Variants in NFATC1 observed in about 807,000 individuals in gnomAD.
NFATC1 encodes the protein nuclear factor of activated T cells 1, also known as nuclear factor of activated T-cells, cytoplasmic 1.
Under a neutral mutation model 76.0 loss-of-function variants are expected in NFATC1, and 22 were observed. The ratio of observed to expected loss-of-function variants is 0.29; its 90% CI spans 0.21 to 0.41. The LOEUF is 0.41. NFATC1 is among the 10% of genes least tolerant of loss of function. The pLI is 1.00. For synonymous variants in NFATC1, 704 were observed against 613.1 expected (o/e 1.15, Z -2.19); for missense variants, 1,357 against 1,337.7 (o/e 1.01, Z -0.23).
At chr18:79,420,631 G>C (rs1049937151) in intron 2 of NFATC1, among the ~76,000 whole-genome samples, 1 of 151,942 alleles carries the variant, frequency 6.6e-6, no homozygotes, top group Non-Finnish European at 1.5e-5. Context: ...GGAAGAGGTG[G>C]ATGCGTTTCC....
At position 79,500,212 on chromosome 18, in the gene NFATC1, T is replaced by A. The variant is rs118022989; in HGVS notation, c.2782+13275T>A. On this transcript the variant is annotated intron_variant, in intron 9 of 9. Coordinates refer to ENST00000427363, the MANE Select transcript of NFATC1 (RefSeq NM_001278669.2). Reference sequence around the variant, plus strand: ...TTAATAAATTTCAAAATATTCTGATTGCAATGGATATCAATTGAAAATCAA... The same window carrying A: ...TTAATAAATTTCAAAATATTCTGATAGCAATGGATATCAATTGAAAATCAA... 8.0e-3 allele frequency among the ~76,000 whole-genome samples: 1,221 copies of A among 152,290 alleles called. 11 individuals carry two copies. The highest frequency in any genetic ancestry group is 0.012 in the Non-Finnish European group (822 of 67,984).
intron 2 of NFATC1, among the ~76,000 whole-genome samples, chr18:79,424,489 ATC>A (rs35847918): frequency 0.42 from 64,223 of 151,458 alleles, 14,208 homozygotes; most frequent in African/African-American, 0.56. Context: ...TTGTCTCTCC[ATC>A]TCTGTCTCTC....
At chr18:79,491,771 C>A (rs899328296) in intron 9 of NFATC1, among the ~76,000 whole-genome samples, 5 of 152,170 alleles carry the variant, frequency 3.3e-5, no homozygotes, top group African/African-American at 9.6e-5. Flanking sequence ...CGCAGAGCTG[C>A]GTGCGGGGAG....
chr18:79,446,843 A>G (rs1568972314), intron 3 of NFATC1, among the ~76,000 whole-genome samples: 1 of 152,158 alleles, frequency 6.6e-6, no homozygotes, highest in Non-Finnish European at 1.5e-5. Context: ...CTGTGTCCTC[A>G]TCCCTGTCTG....
Position 79,396,209 on chromosome 18 carries a change from C to A in NFATC1, c.-16C>A. On this transcript the variant is annotated 5_prime_UTR_variant, in exon 1 of 10. Coordinates refer to ENST00000427363, the MANE Select transcript of NFATC1 (RefSeq NM_001278669.2). ...TGCCTCCGCCCGCCGCTCCACTCCC[C>A]GCCGCCGCCGCGCGGATGCCAAGCA... The A allele has an allele frequency of 6.9e-7, 1 of 1,450,054 alleles. No individual in the cohort carries two copies. Among genetic ancestry groups the A allele is most frequent in the South Asian group, 1.3e-5 (1 of 76,854 alleles). 89.8% of individuals were successfully genotyped at this position (1,450,054 alleles called of 1,614,324 possible).
intron 9 of NFATC1, among the ~76,000 whole-genome samples, chr18:79,507,782 G>C (rs895223670): frequency 6.6e-6 from 1 of 152,264 alleles, no homozygotes; most frequent in Non-Finnish European, 1.5e-5. Context: ...GTAAACGTTA[G>C]TGAGCGCATT....
intron 8 of NFATC1, among the ~76,000 whole-genome samples, chr18:79,481,529 A>G (rs1033902879): frequency 6.6e-6 from 1 of 152,184 alleles, no homozygotes; most frequent in Non-Finnish European, 1.5e-5. Context: ...CCATCTGTGA[A>G]CCCTCAGCTG....
intron 9 of NFATC1, among the ~76,000 whole-genome samples, chr18:79,502,755 A>G (rs2090041032): frequency 6.6e-6 from 1 of 152,244 alleles, no homozygotes; most frequent in Admixed American, 6.5e-5. Flanking sequence ...GGGAATGCAC[A>G]TTGTAAATTT....
intron 9 of NFATC1, among the ~76,000 whole-genome samples, chr18:79,498,627 A>G (rs9961134): frequency 0.096 from 14,630 of 152,268 alleles, 2,286 homozygotes; most frequent in African/African-American, 0.33. Flanking sequence ...AATGGCCCCA[A>G]ACTTCCTAAA....
chr18:79,450,890 G>C (rs2087442406), intron 4 of NFATC1, 64 bp from the exon 5 acceptor site: 1 of 1,559,160 alleles, frequency 6.4e-7, no homozygotes, highest in African/African-American at 1.4e-5. Context: ...GGTCTGGGGG[G>C]CCAGGCCTTT....
Position 79,411,353 on chromosome 18 carries a change from C to G in NFATC1, c.1078C>G (p.Pro360Ala), listed in dbSNP as rs753637451. ...GCCCGTCGGGGAGGACCTGGGCAGC[C>G]CCCCGCCCCCGGCCGACTTCGCGCC... ...VEPVGEDLGS[P>A]PPPADFAPED... The change falls in exon 2 of 10, where the codon CCC becomes GCC. Residue 360 changes from proline to alanine, a missense_variant. Transcript: ENST00000427363. The G allele has an allele frequency of 1.8e-5, 28 of 1,590,946 alleles. No homozygotes were observed. In the South Asian group the frequency reaches 2.9e-4, roughly 17 times the overall value.
At chr18:79,473,338 C>G (rs947155655) in intron 8 of NFATC1, among the ~76,000 whole-genome samples, 2 of 152,282 alleles carry the variant, frequency 1.3e-5, no homozygotes, top group African/African-American at 4.8e-5. Flanking sequence ...GGTTGCCTCG[C>G]TCTTCAGACG....
In NFATC1 at chr18:79,411,344, C is replaced by T; in HGVS notation, c.1069C>T (p.Leu357=). ...CAAGGTGGAGCCCGTCGGGGAGGAC[C>T]TGGGCAGCCCCCCGCCCCCGGCCGA... The part of the protein sequence containing the change: ...ALKVEPVGED[L]GSPPPPADFA... Residue 357 remains leucine, a synonymous_variant, in exon 2 of 10, where the codon CTG becomes TTG. Coordinates refer to ENST00000427363, the MANE Select transcript of NFATC1 (RefSeq NM_001278669.2). 4 of 1,595,992 alleles carry T rather than the reference C, an allele frequency of 2.5e-6. No individual in the cohort carries two copies. The highest frequency in any genetic ancestry group is 2.6e-6 in the Non-Finnish European group (3 of 1,173,142).
rs937152823 is a variant in NFATC1, at chr18:79,513,504, A to G, written c.2783-14024A>G. 3.9e-5 allele frequency among the ~76,000 whole-genome samples: 6 copies of G among 152,380 alleles called. No individual in the cohort carries two copies. The East Asian group carries it at 9.6e-4, about 24-fold the overall frequency. ...ACAAAATGTCACTTTAAAAACTGGT[A>G]CAAAAGCACCTCTTAAAGATTCAAA... On this transcript the variant is annotated intron_variant, in intron 9 of 9. Transcript: ENST00000427363.
At chr18:79,449,135 T>G in intron 4 of NFATC1, 151 bp downstream of exon 4, 4 of 710,502 alleles carry the variant, frequency 5.6e-6, no homozygotes, top group Non-Finnish European at 9.2e-6. Context: ...TAAACTTCAC[T>G]CTTGCTTTTG....
intron 7 of NFATC1, among the ~76,000 whole-genome samples, chr18:79,464,597 A>T (rs2088335853): frequency 7.4e-6 from 1 of 135,672 alleles, no homozygotes; most frequent in South Asian, 2.2e-4. Flanking sequence ...GTGGATGTTC[A>T]CGCAGACACA....
intron 8 of NFATC1, among the ~76,000 whole-genome samples, chr18:79,472,709 A>G (rs160189): frequency 0.41 from 61,888 of 151,760 alleles, 14,110 homozygotes; most frequent in African/African-American, 0.64. Context: ...ACTGCAGAGT[A>G]AACCTGCCCA....
At chr18:79,525,575 C>T (rs1012994071) in intron 9 of NFATC1, among the ~76,000 whole-genome samples, 18 of 152,188 alleles carry the variant, frequency 1.2e-4, no homozygotes, top group Admixed American at 9.2e-4. Context: ...CTGTCCCTGT[C>T]GCTGTTACCC....
intron 3 of NFATC1, among the ~76,000 whole-genome samples, chr18:79,433,958 G>C (rs2086686427): frequency 6.6e-6 from 1 of 152,260 alleles, no homozygotes; most frequent in Non-Finnish European, 1.5e-5. Context: ...GTTGTTTTCA[G>C]ATTTGCCCGA....
Sources: allele counts gnomAD v4.1 joint callset (sites outside exome capture counted in the v4.1 genomes callset), GRCh38; gene constraint gnomAD v4.1.1; transcripts MANE v1.5; gene names NCBI Gene and HGNC (gene_info 2026-07-23, HGNC 2026-07-21).